NLGN1: variants seen among roughly 807,000 people sequenced by gnomAD.
The protein encoded by NLGN1 is neuroligin-1.
NLGN1 carries 12 observed loss-of-function variants against 65.5 expected under a neutral mutation model. The ratio of observed to expected loss-of-function variants is 0.18; its 90% CI spans 0.12 to 0.30. The LOEUF (loss-of-function observed/expected upper bound fraction) is 0.30, where lower values mean the gene tolerates loss of function less well. Among genes scored for constraint, NLGN1 ranks in the 10% least tolerant of loss-of-function variants. The probability of loss-of-function intolerance (pLI) is 1.00; values close to 1 mark genes in which losing one functional copy is unlikely to be tolerated. For synonymous variants in NLGN1, 350 were observed against 359.5 expected, an observed-to-expected ratio of 0.97 and a Z score of 0.30; for missense variants, 750 against 1,007.1, an observed-to-expected ratio of 0.74 and a Z score of 3.46.
chr3:173,554,940 T>C (rs1741470280), intron 2 of NLGN1, among the ~76,000 whole-genome samples: 2 of 152,228 alleles, frequency 1.3e-5, no homozygotes, highest in Non-Finnish European at 2.9e-5. Context: ...TTTTTTGTTT[T>C]AGCCCTTCTA....
At chr3:173,431,896 C>A (rs969190753) in intron 1 of NLGN1, among the ~76,000 whole-genome samples, 13 of 152,132 alleles carry the variant, frequency 8.5e-5, no homozygotes, top group Non-Finnish European at 2.9e-5. Flanking sequence ...ATCTTCCTCC[C>A]CACCAGCCCC....
At chr3:173,684,366 A>G (rs893317645) in intron 3 of NLGN1, among the ~76,000 whole-genome samples, 1 of 152,150 alleles carries the variant, frequency 6.6e-6, no homozygotes, top group African/African-American at 2.4e-5. Context: ...CCATAAATAG[A>G]TGAAACACAT....
Position 173,496,588 on chromosome 3 carries a change from G to A in NLGN1, c.-321+61510G>A, listed in dbSNP as rs553374078. ...ATATGGATTCTTCAATCAGGAGCAC[G>A]TTCATATTTAGCCTATCTGTTAGCT... On this transcript the variant is annotated intron_variant, in intron 2 of 6. Coordinates refer to ENST00000457714, the Ensembl canonical transcript of NLGN1. Among the ~76,000 whole-genome samples the A allele has an allele frequency of 2.4e-4, 37 of 151,872 alleles. No homozygotes were observed. The East Asian group carries it at 2.7e-3, about 11-fold the overall frequency.
intron 3 of NLGN1, among the ~76,000 whole-genome samples, chr3:173,628,486 A>G (rs2149529962): frequency 6.6e-6 from 1 of 152,292 alleles, no homozygotes; most frequent in Non-Finnish European, 1.5e-5. Flanking sequence ...AAGAGAAGTT[A>G]GAGAATACTA....
chr3:173,864,783 C>G (rs1325875395), intron 4 of NLGN1, among the ~76,000 whole-genome samples: 2 of 152,148 alleles, frequency 1.3e-5, no homozygotes, highest in Admixed American at 6.5e-5. Flanking sequence ...TATGCATCTC[C>G]TTACCCACAG....
At chr3:173,766,150 G>A (rs1303654380) in intron 3 of NLGN1, among the ~76,000 whole-genome samples, 2 of 148,860 alleles carry the variant, frequency 1.3e-5, no homozygotes, top group Non-Finnish European at 3.0e-5. Context: ...GTCCAATGGC[G>A]CCATCTCGGC....
At chr3:173,577,695 T>C (rs911595131) in intron 2 of NLGN1, among the ~76,000 whole-genome samples, 15 of 152,152 alleles carry the variant, frequency 9.9e-5, no homozygotes, top group African/African-American at 3.4e-4. Context: ...TTCTAGGTCA[T>C]CAGAAATAAT....
At chr3:173,937,547 A>T (rs932984608) in intron 4 of NLGN1, among the ~76,000 whole-genome samples, 1 of 152,124 alleles carries the variant, frequency 6.6e-6, no homozygotes, top group African/African-American at 2.4e-5. Context: ...GAACTTTGTG[A>T]ATTTTTAAAA....
At chr3:173,965,096 T>G (rs77121912) in intron 4 of NLGN1, among the ~76,000 whole-genome samples, 12,449 of 152,194 alleles carry the variant, frequency 0.082, 569 homozygotes, top group Middle Eastern at 0.13. Flanking sequence ...TAAAGAAGTC[T>G]GTGGCCAAAT....
At chr3:173,631,322 A>G (rs1026456561) in intron 3 of NLGN1, among the ~76,000 whole-genome samples, 2 of 152,022 alleles carry the variant, frequency 1.3e-5, no homozygotes, top group South Asian at 4.2e-4. Flanking sequence ...GATTATATAT[A>G]TCTCTTTAAG....
intron 2 of NLGN1, among the ~76,000 whole-genome samples, chr3:173,589,799 A>T (rs189496546): frequency 2.4e-4 from 37 of 152,236 alleles, no homozygotes; most frequent in African/African-American, 8.9e-4. Context: ...TTCTTCCCTG[A>T]CACACCCAAT....
intron 3 of NLGN1, among the ~76,000 whole-genome samples, chr3:173,761,789 T>C (rs1778004904): frequency 6.6e-6 from 1 of 152,088 alleles, no homozygotes; most frequent in African/African-American, 2.4e-5. Flanking sequence ...CTTTGTTCTC[T>C]GATTTAAACT....
chr3:174,130,235 G>A (rs1368620721), intron 4 of NLGN1, among the ~76,000 whole-genome samples: 3 of 152,078 alleles, frequency 2.0e-5, no homozygotes, highest in Admixed American at 2.0e-4. Context: ...TTAGCTGGGT[G>A]TGGTGGCAGG....
At chr3:173,801,752 A>G (rs929580669) in intron 3 of NLGN1, among the ~76,000 whole-genome samples, 16 of 152,226 alleles carry the variant, frequency 1.1e-4, no homozygotes, top group African/African-American at 3.8e-4. Context: ...GCAGTCATTA[A>G]TATTTGAAAC....
At chr3:173,692,789 C>T (rs1399518322) in intron 3 of NLGN1, among the ~76,000 whole-genome samples, 1 of 152,052 alleles carries the variant, frequency 6.6e-6, no homozygotes, top group African/African-American at 2.4e-5. Flanking sequence ...GCTGCATTAC[C>T]TCTAATCCTC....
intron 4 of NLGN1, among the ~76,000 whole-genome samples, chr3:174,161,069 T>C (rs1423250885): frequency 2.6e-5 from 4 of 151,888 alleles, no homozygotes; most frequent in Non-Finnish European, 5.9e-5. Flanking sequence ...TCTGTTTTCA[T>C]AGAGAAAATA....
chr3:173,967,335 G>A (rs1367976587), intron 4 of NLGN1, among the ~76,000 whole-genome samples: 2 of 152,158 alleles, frequency 1.3e-5, no homozygotes, highest in Non-Finnish European at 2.9e-5. Context: ...ACTGTGCTAC[G>A]CAAACTCTAG....
At chr3:173,592,016 T>A (rs556776604) in intron 2 of NLGN1, among the ~76,000 whole-genome samples, 3 of 152,188 alleles carry the variant, frequency 2.0e-5, no homozygotes, top group South Asian at 4.1e-4. Context: ...GGGTCATCAA[T>A]TGGTTTTAAA....
chr3:174,058,544 T>A (rs1736672128), intron 4 of NLGN1, among the ~76,000 whole-genome samples: 1 of 152,110 alleles, frequency 6.6e-6, no homozygotes. Flanking sequence ...AGTAGGTAGA[T>A]ACTCGTATAC....
Sources: gnomAD v4.1 joint callset for allele counts (sites outside exome capture counted in the v4.1 genomes callset) on GRCh38, gnomAD v4.1.1 for gene constraint, MANE v1.5 for transcripts, NCBI Gene and HGNC (gene_info 2026-07-23, HGNC 2026-07-21) for gene names.